TM9SF2: variants seen among roughly 807,000 people sequenced by gnomAD.
TM9SF2 encodes transmembrane 9 superfamily member 2.
In TM9SF2, 13 loss-of-function variants were observed where a neutral mutation model predicts 84.9. The observed-to-expected ratio is 0.15, with a 90% CI of 0.10 to 0.24. TM9SF2 has a LOEUF of 0.24. Ranked by LOEUF, TM9SF2 falls within the 10% of genes least tolerant of loss-of-function variation. TM9SF2 has a pLI of 1.00. For missense variants in TM9SF2, 562 were observed against 818.5 expected (o/e 0.69, Z 3.82); for synonymous variants, 273 against 285.8 (o/e 0.96, Z 0.45).
At chr13:99,524,737 A>G (rs2046174751) in intron 3 of TM9SF2, among the ~76,000 whole-genome samples, 1 of 151,698 alleles carries the variant, frequency 6.6e-6, no homozygotes, top group African/African-American at 2.4e-5. Flanking sequence ...CTGGTATTGT[A>G]TTTTTAGTAG....
intron 1 of TM9SF2, among the ~76,000 whole-genome samples, chr13:99,503,107 G>T (rs1024274139): frequency 2.0e-4 from 30 of 152,304 alleles, no homozygotes; most frequent in African/African-American, 7.2e-4. Context: ...CTGACTGAAA[G>T]ACTGTTGTTG....
chr13:99,518,661 A>G (rs943000938), intron 2 of TM9SF2, among the ~76,000 whole-genome samples: 14 of 152,052 alleles, frequency 9.2e-5, no homozygotes, highest in African/African-American at 3.4e-4. Context: ...CAGTGGCACG[A>G]TCATGGCTCA....
chr13:99,507,814 C>G (rs541256166), intron 1 of TM9SF2, among the ~76,000 whole-genome samples: 7 of 152,312 alleles, frequency 4.6e-5, no homozygotes, highest in Non-Finnish European at 1.0e-4. Flanking sequence ...ACAGTCACAT[C>G]TCTTCACTGA....
intron 2 of TM9SF2, among the ~76,000 whole-genome samples, chr13:99,518,097 A>G (rs545172912): frequency 6.6e-6 from 1 of 152,204 alleles, no homozygotes; most frequent in South Asian, 2.1e-4. Flanking sequence ...ACAGAAGTAG[A>G]TTCATAGTAT....
chr13:99,543,017 C>G (rs1275947542), intron 9 of TM9SF2, among the ~76,000 whole-genome samples: 4 of 152,224 alleles, frequency 2.6e-5, no homozygotes, highest in Non-Finnish European at 5.9e-5. Context: ...TACCTCAGCA[C>G]TCTGCTGCAC....
intron 3 of TM9SF2, among the ~76,000 whole-genome samples, chr13:99,527,033 C>T (rs548757743): frequency 6.6e-6 from 1 of 152,234 alleles, no homozygotes; most frequent in East Asian, 1.9e-4. Flanking sequence ...CTCCAGAAAA[C>T]ATTCTGAGAA....
intron 16 of TM9SF2, among the ~76,000 whole-genome samples, chr13:99,562,322 T>C (rs147126532): frequency 6.6e-6 from 1 of 152,262 alleles, no homozygotes; most frequent in African/African-American, 2.4e-5. Flanking sequence ...TGAACCTGTT[T>C]TAATGTATTC....
At chr13:99,536,536 C>T in intron 4 of TM9SF2, 72 bp from the exon 5 acceptor site, 1 of 1,536,470 alleles carries the variant, frequency 6.5e-7, no homozygotes, top group South Asian at 1.2e-5. Context: ...AGTGATGACA[C>T]TGATTTGGGC....
At chr13:99,553,453 C>T (rs1206963525) in intron 13 of TM9SF2, among the ~76,000 whole-genome samples, 3 of 152,094 alleles carry the variant, frequency 2.0e-5, no homozygotes, top group Non-Finnish European at 4.4e-5. Context: ...CTTGAAATTC[C>T]AAAACTTTGC....
intron 11 of TM9SF2, among the ~76,000 whole-genome samples, chr13:99,548,206 C>G (rs2046291656): frequency 6.6e-6 from 1 of 152,148 alleles, no homozygotes; most frequent in African/African-American, 2.4e-5. Flanking sequence ...ACACCCTGCT[C>G]CCATCTGCAC....
In TM9SF2 at chr13:99,529,480, A is replaced by G. The variant is rs148671822; in HGVS notation, c.347A>G (p.Lys116Arg). 11 of 1,564,384 alleles carry G rather than the reference A, an allele frequency of 7.0e-6. No individual in the cohort carries two copies. The African/African-American group carries it at 1.1e-4, about 16-fold the overall frequency. ...CTTTTAATACAGTTTACGTTTAATA[A>G]GAAGGAGACCTGTAAGCTTGTTTGT... is the stretch of plus-strand genomic sequence containing the variant. Reference protein sequence around the residue: ...EPSPYKFTFNKKETCKLVCTK... With the variant: ...EPSPYKFTFNRKETCKLVCTK... Residue 116 changes from lysine (K) to arginine (R), a missense_variant, in exon 4 of 17, where the codon AAG (lysine) becomes AGG (arginine). Transcript: ENST00000376387.
intron 3 of TM9SF2, among the ~76,000 whole-genome samples, chr13:99,527,484 T>C (rs1030974730): frequency 6.6e-6 from 1 of 152,154 alleles, no homozygotes; most frequent in Non-Finnish European, 1.5e-5. Context: ...GCTCACTCAC[T>C]ATCACAAGAA....
At chr13:99,516,769 C>T (rs1464449605) in intron 1 of TM9SF2, among the ~76,000 whole-genome samples, 1 of 152,126 alleles carries the variant, frequency 6.6e-6, no homozygotes, top group East Asian at 1.9e-4. Flanking sequence ...TGGAAGAGGT[C>T]CTTCAAAGTT....
At chr13:99,534,625 C>T (rs2046225732) in intron 4 of TM9SF2, among the ~76,000 whole-genome samples, 2 of 152,198 alleles carry the variant, frequency 1.3e-5, no homozygotes, top group Admixed American at 6.5e-5. Flanking sequence ...CAAGTAGTTA[C>T]TAAGTGAAGC....
chr13:99,521,636 T>C (rs961594274), intron 3 of TM9SF2, among the ~76,000 whole-genome samples: 2 of 152,260 alleles, frequency 1.3e-5, no homozygotes, highest in African/African-American at 4.8e-5. Flanking sequence ...GAAACATCAC[T>C]GTGCAAATTT....
intron 16 of TM9SF2, among the ~76,000 whole-genome samples, chr13:99,559,830 C>CTTT (rs11402923): frequency 3.6e-5 from 5 of 139,214 alleles, no homozygotes; most frequent in Non-Finnish European, 4.7e-5. Context: ...ACACACAGTC[C>CTTT]TTTTTTTTTT....
intron 4 of TM9SF2, among the ~76,000 whole-genome samples, chr13:99,530,186 A>C (rs978959941): frequency 2.1e-4 from 32 of 152,134 alleles, no homozygotes; most frequent in African/African-American, 7.5e-4. Context: ...AGCACTTGGG[A>C]GGCTGAGGCG....
chr13:99,540,945 G>A lies in TM9SF2; in HGVS notation c.908+152G>A, dbSNP rs2046256598. 6.2e-6 allele frequency: 4 copies of A among 646,986 alleles called. No individual in the cohort carries two copies. In the African/African-American group the frequency reaches 7.3e-5, roughly 12 times the overall value. 40.1% of individuals were successfully genotyped at this position (646,986 alleles called of 1,614,324 possible). A position where few individuals can be genotyped will look rare whatever the true frequency, so the allele number is the denominator to read the frequency against. ...TTTCAGCCACTGATTGTGAGTCACA[G>A]CAGGTCCCTTAATTTCTCAGCGTCT... On this transcript the variant is annotated intron_variant, in intron 8 of 16. Coordinates refer to ENST00000376387, the MANE Select transcript of TM9SF2 (RefSeq NM_004800.3).
At position 99,555,615 on chromosome 13, in the gene TM9SF2, A is replaced by G. The variant is rs2046322199; in HGVS notation, c.1720A>G (p.Ile574Val). Residue 574 changes from isoleucine to valine, a missense_variant, in exon 15 of 17, where the codon ATA (isoleucine) becomes GTA (valine). Physicochemically the swap from Ile to Val is conservative, Grantham distance 29 (BLOSUM62 3). Coordinates refer to ENST00000376387, the MANE Select transcript of TM9SF2 (RefSeq NM_004800.3). ...ILVITCSEATILLCYFHLCAE... is the reference protein window; with the variant it reads ...ILVITCSEATVLLCYFHLCAE... Reference sequence around the variant, plus strand: ...GGTTATTACCTGTTCTGAAGCAACTATACTTCTTTGCTATTTCCACCTATG... The same window carrying G: ...GGTTATTACCTGTTCTGAAGCAACTGTACTTCTTTGCTATTTCCACCTATG... The G allele has an allele frequency of 1.2e-6, 2 of 1,613,958 alleles. No homozygotes were observed. Among genetic ancestry groups the G allele is most frequent in the Non-Finnish European group, 1.7e-6 (2 of 1,179,856 alleles).
Sources: allele counts gnomAD v4.1 joint callset (sites outside exome capture counted in the v4.1 genomes callset), GRCh38; gene constraint gnomAD v4.1.1; transcripts MANE v1.5; gene names NCBI Gene and HGNC (gene_info 2026-07-23, HGNC 2026-07-21).